Variants in TSPEAR observed in about 807,000 individuals in gnomAD.
TSPEAR encodes the protein thrombospondin type laminin G domain and EAR repeats.
In TSPEAR, 69 loss-of-function variants were observed where a neutral mutation model predicts 71.6. That is an observed-to-expected ratio of 0.96 (90% CI 0.79 to 1.18). The LOEUF is 1.18. Ranked by LOEUF, TSPEAR falls within the 50% of genes most tolerant of loss-of-function variation. TSPEAR has a pLI of 0.00. For synonymous variants in TSPEAR, 402 were observed against 387.2 expected (o/e 1.04, Z -0.45); for missense variants, 971 against 894.9 (o/e 1.09, Z -1.09).
intron 10 of TSPEAR, among the ~76,000 whole-genome samples, chr21:44,505,645 CAT>C (rs2052180683): frequency 6.9e-6 from 1 of 145,630 alleles, no homozygotes; most frequent in African/African-American, 2.5e-5. Context: ...CTAGGGACCT[CAT>C]ATGAATGGAA....
chr21:44,610,530 A>T (rs587631458), intron 1 of TSPEAR, among the ~76,000 whole-genome samples: 1 of 152,242 alleles, frequency 6.6e-6, no homozygotes, highest in African/African-American at 2.4e-5. Context: ...ATGGATGCCC[A>T]GGCAGAAGTT....
At chr21:44,539,739 G>A in intron 2 of TSPEAR, 20 of 1,612,462 alleles carry the variant, frequency 1.2e-5, no homozygotes, top group Non-Finnish European at 1.6e-5. Flanking sequence ...CAGGACTGCT[G>A]GCTGGAGGAA....
intron 1 of TSPEAR, chr21:44,591,813 G>A (rs1555926658): frequency 1.3e-6 from 2 of 1,599,006 alleles, no homozygotes; most frequent in Non-Finnish European, 1.7e-6. Context: ...AGGCCTGCTG[G>A]CAGGGGGAGG....
In TSPEAR at chr21:44,522,123, G is replaced by C; in HGVS notation, c.1337-11C>G. 1.9e-6 allele frequency: 3 copies of C among 1,613,346 alleles called. No homozygotes were observed. In the African/African-American group the frequency reaches 4.0e-5, roughly 22 times the overall value. On this transcript the variant is annotated splice_polypyrimidine_tract_variant and intron_variant, in intron 8 of 11. Coordinates refer to ENST00000323084, the MANE Select transcript of TSPEAR (RefSeq NM_144991.3). ...TGTTGTGGTTGTCGCCTGGAACCAA[G>C]GGACTGTGCTGGGGGCAGGGAGGCA... is the stretch of plus-strand genomic sequence containing the variant.
At chr21:44,606,865 C>A (rs1426174189) in intron 1 of TSPEAR, among the ~76,000 whole-genome samples, 1 of 152,096 alleles carries the variant, frequency 6.6e-6, no homozygotes, top group African/African-American at 2.4e-5. Flanking sequence ...CGGGGGCTGC[C>A]AGAGGAGAGG....
intron 2 of TSPEAR, among the ~76,000 whole-genome samples, chr21:44,563,404 T>C (rs1555921359): frequency 6.6e-6 from 1 of 152,134 alleles, no homozygotes; most frequent in African/African-American, 2.4e-5. Flanking sequence ...TGGTATTAAG[T>C]TGGCACAAAT....
chr21:44,533,647 G>C lies in TSPEAR; in HGVS notation c.542+38C>G, dbSNP rs144175211. The stretch of plus-strand genomic sequence containing the variant: ...AGGATGCCTGGCCTGGCAGGACTCT[G>C]AGGACTGCAGGTGCACCCTCCCCGG... On this transcript the variant is annotated intron_variant, in intron 3 of 11. Transcript: ENST00000323084. The C allele has an allele frequency of 1.7e-4, 263 of 1,539,720 alleles. No individual in the cohort carries two copies. The African/African-American group carries it at 3.1e-3, about 18-fold the overall frequency.
At chr21:44,613,953 AG>A (rs1981899014) in intron 1 of TSPEAR, among the ~76,000 whole-genome samples, 1 of 152,108 alleles carries the variant, frequency 6.6e-6, no homozygotes, top group Non-Finnish European at 1.5e-5. Context: ...GACCGGGGTC[AG>A]GGGTCCACAC....
chr21:44,594,410 A>G (rs906454225), intron 1 of TSPEAR, among the ~76,000 whole-genome samples: 1 of 152,292 alleles, frequency 6.6e-6, no homozygotes, highest in African/African-American at 2.4e-5. Context: ...CCTGCACACT[A>G]GGGGATAAAT....
rs782159139 is a variant in TSPEAR at position 44,521,893 on chromosome 21, TG to T, written c.1555del (p.Gln519SerfsTer50). 6.2e-7 allele frequency: 1 copy of T among 1,613,374 alleles called. No homozygotes were observed. Among genetic ancestry groups the T allele is most frequent in the East Asian group, 2.2e-5 (1 of 44,832 alleles). On this transcript the variant is annotated frameshift_variant, in exon 9 of 12. Coordinates refer to ENST00000323084, the MANE Select transcript of TSPEAR (RefSeq NM_144991.3). LOFTEE classifies it high-confidence loss of function. Reference protein sequence around the residue: ...IRLLGSFQLFQSFPTFGAADW... With the variant: ...IRLLGSFQLFXSFPTFGAADW... ...TGCGGGGGGCCTTACCGGGAAGGACTGGAAGAGCTGGAAGGAGCCCAGGAGT... is the reference window on the plus strand; with the variant it reads ...TGCGGGGGGCCTTACCGGGAAGGACTGAAGAGCTGGAAGGAGCCCAGGAGT...
chr21:44,600,646 T>C, intron 1 of TSPEAR: 1 of 1,613,754 alleles, frequency 6.2e-7, no homozygotes, highest in Non-Finnish European at 8.5e-7. Flanking sequence ...TATGTCTGTC[T>C]GCTCCAGCGA....
chr21:44,689,715 ATATATATAT>A (rs1332979975), intron 1 of TSPEAR, among the ~76,000 whole-genome samples: 3 of 79,668 alleles, frequency 3.8e-5, no homozygotes, highest in South Asian at 5.4e-4. Context: ...TAGAATGAAT[ATATATATAT>A]ATATATATAT....
At chr21:44,617,227 G>T (rs935783949) in intron 1 of TSPEAR, among the ~76,000 whole-genome samples, 1 of 152,258 alleles carries the variant, frequency 6.6e-6, no homozygotes, top group African/African-American at 2.4e-5. Flanking sequence ...GGTGGGACAT[G>T]GGGGGACACT....
chr21:44,704,353 C>G (rs989494707), intron 1 of TSPEAR, among the ~76,000 whole-genome samples: 8 of 151,778 alleles, frequency 5.3e-5, no homozygotes, highest in African/African-American at 1.9e-4. Context: ...TGTAGCCTGT[C>G]AGTCCAGACT....
At chr21:44,536,352 GT>G (rs1317857159) in intron 2 of TSPEAR, among the ~76,000 whole-genome samples, 3 of 152,186 alleles carry the variant, frequency 2.0e-5, no homozygotes, top group African/African-American at 4.8e-5. Flanking sequence ...ATTAAGTTCT[GT>G]CCTAAATGGA....
intron 9 of TSPEAR, among the ~76,000 whole-genome samples, chr21:44,512,447 G>GA (rs781810581): frequency 1.3e-5 from 2 of 152,116 alleles, no homozygotes; most frequent in Non-Finnish European, 1.5e-5. Context: ...TAGGGATGGA[G>GA]ACAGGGGCTT....
At chr21:44,691,006 C>T (rs1488512453) in intron 1 of TSPEAR, among the ~76,000 whole-genome samples, 1 of 152,196 alleles carries the variant, frequency 6.6e-6, no homozygotes, top group Admixed American at 6.5e-5. Context: ...CACAGCTTCT[C>T]TAATTTAAAG....
chr21:44,525,522 C>T (rs2052836705), intron 8 of TSPEAR, 131 bp downstream of exon 8: 1 of 1,020,006 alleles, frequency 9.8e-7, no homozygotes, highest in Admixed American at 2.2e-5. Flanking sequence ...AGGAACGGTC[C>T]AGAACGCATG....
At chr21:44,541,128 T>C (rs930903160) in intron 2 of TSPEAR, among the ~76,000 whole-genome samples, 29 of 152,204 alleles carry the variant, frequency 1.9e-4, no homozygotes, top group African/African-American at 7.0e-4. Context: ...GTCCTTGCTG[T>C]CCTCAGCTTC....
Sources: gnomAD v4.1 joint callset for allele counts (sites outside exome capture counted in the v4.1 genomes callset) on GRCh38, gnomAD v4.1.1 for gene constraint, MANE v1.5 for transcripts, NCBI Gene and HGNC (gene_info 2026-07-23, HGNC 2026-07-21) for gene names.